The following ABCA13 variants were observed in gnomAD, a reference collection of about 807,000 sequenced individuals.
ABCA13 encodes the protein ATP binding cassette subfamily A member 13.
ABCA13 carries 476 observed loss-of-function variants against 478.7 expected under a neutral mutation model. That is an observed-to-expected ratio of 0.99 (90% CI 0.92 to 1.07). The LOEUF (loss-of-function observed/expected upper bound fraction) is 1.07, where lower values mean the gene tolerates loss of function less well. Ranked by LOEUF, ABCA13 falls within the 50% of genes least tolerant of loss-of-function variation. ABCA13 has a pLI of 0.00. For synonymous variants in ABCA13, 2,252 were observed against 2,158.9 expected (o/e 1.04, Z -1.20); for missense variants, 6,060 against 5,910.6 (o/e 1.03, Z -0.83).
At chr7:48,513,194 A>G (rs1831842765) in intron 51 of ABCA13, among the ~76,000 whole-genome samples, 1 of 152,204 alleles carries the variant, frequency 6.6e-6, no homozygotes, top group Admixed American at 6.5e-5. Context: ...CACGGAGCCC[A>G]AGGGCAAACT....
intron 60 of ABCA13, 64 bp downstream of exon 60, chr7:48,643,457 T>A (rs1333505664): frequency 7.2e-7 from 1 of 1,388,306 alleles, no homozygotes; most frequent in Non-Finnish European, 1.0e-6. Flanking sequence ...AATGTACCTG[T>A]CTTTTTTTGT....
chr7:48,376,318 C>T, intron 34 of ABCA13, 123 bp from the exon 35 acceptor site: 1 of 1,203,428 alleles, frequency 8.3e-7, no homozygotes, highest in Non-Finnish European at 1.1e-6. Flanking sequence ...TGATATTGAC[C>T]TTCTTTTTGT....
At chr7:48,642,990 G>T (rs1795206228) in intron 59 of ABCA13, among the ~76,000 whole-genome samples, 1 of 152,096 alleles carries the variant, frequency 6.6e-6, no homozygotes, top group Non-Finnish European at 1.5e-5. Context: ...CACTAGCTCA[G>T]GACTTTGCTT....
At chr7:48,380,468 C>A (rs1026981854) in intron 35 of ABCA13, among the ~76,000 whole-genome samples, 2 of 152,176 alleles carry the variant, frequency 1.3e-5, no homozygotes, top group Non-Finnish European at 2.9e-5. Context: ...CTAGTTTACA[C>A]AGTGGTTGAA....
intron 55 of ABCA13, among the ~76,000 whole-genome samples, chr7:48,561,449 G>A (rs565873230): frequency 1.4e-4 from 21 of 152,184 alleles, no homozygotes; most frequent in Non-Finnish European, 2.6e-4. Flanking sequence ...AATGTAAAGC[G>A]ATATCTCATT....
At chr7:48,318,322 C>T (rs1002968996) in intron 27 of ABCA13, among the ~76,000 whole-genome samples, 2 of 152,020 alleles carry the variant, frequency 1.3e-5, no homozygotes, top group African/African-American at 4.8e-5. Context: ...AACTTTAAAA[C>T]ATTTATATAA....
At chr7:48,566,275 T>C (rs1787054680) in intron 55 of ABCA13, among the ~76,000 whole-genome samples, 1 of 152,190 alleles carries the variant, frequency 6.6e-6, no homozygotes, top group Non-Finnish European at 1.5e-5. Context: ...CTAGTCAGCA[T>C]GCATCATGAT....
intron 1 of ABCA13, among the ~76,000 whole-genome samples, chr7:48,176,489 T>C (rs1794897231): frequency 6.6e-6 from 1 of 152,318 alleles, no homozygotes; most frequent in East Asian, 1.9e-4. Context: ...ATGTCTACCA[T>C]ACATAAAGCA....
chr7:48,412,635 C>A lies in ABCA13; in HGVS notation c.12459+52C>A, dbSNP rs73694621. 3.5e-3 allele frequency: 5,104 copies of A among 1,458,086 alleles called. 156 individuals are homozygous for A. The African/African-American group carries it at 0.065, about 19-fold the overall frequency. 90.3% of individuals were successfully genotyped at this position (1,458,086 alleles called of 1,614,324 possible). On this transcript the variant is annotated intron_variant, in intron 41 of 61. Coordinates refer to ENST00000435803, the MANE Select transcript of ABCA13 (RefSeq NM_152701.5). Reference sequence around the variant, plus strand: ...AATTATTTATGCCTTTTTGACCAGTCCACATTAAATGAAGAGATGTGGGTA... The same window carrying A: ...AATTATTTATGCCTTTTTGACCAGTACACATTAAATGAAGAGATGTGGGTA...
intron 55 of ABCA13, among the ~76,000 whole-genome samples, chr7:48,541,830 T>C (rs1357522006): frequency 6.6e-6 from 1 of 150,580 alleles, no homozygotes; most frequent in Non-Finnish European, 1.5e-5. Context: ...AGCAGGCACA[T>C]ATTTTTATAA....
Position 48,389,034 on chromosome 7 carries a change from TC to T in ABCA13, c.11474-5del, listed in dbSNP as rs763795864. 2 of 1,612,954 alleles carry T rather than the reference TC, an allele frequency of 1.2e-6. No individual in the cohort carries two copies. The highest frequency in any genetic ancestry group is 1.3e-5 in the African/African-American group (1 of 75,006). Reference sequence around the variant, plus strand: ...TTTTCACAATGAATTTTCATCTCTCTCACAGGGTCATCACTGCAAAACAGGG... The same window carrying T: ...TTTTCACAATGAATTTTCATCTCTCTACAGGGTCATCACTGCAAAACAGGG... On this transcript the variant is annotated splice_region_variant and splice_polypyrimidine_tract_variant and intron_variant, in intron 36 of 61. Transcript: ENST00000435803.
At chr7:48,350,601 G>A (rs770123492) in intron 29 of ABCA13, 42 bp from the exon 30 acceptor site, 3 of 1,522,708 alleles carry the variant, frequency 2.0e-6, no homozygotes, top group East Asian at 2.3e-5. Flanking sequence ...GCACTGGGGG[G>A]ATACAGAAGT....
chr7:48,375,783 C>T (rs928115606), intron 34 of ABCA13, among the ~76,000 whole-genome samples: 6 of 151,968 alleles, frequency 3.9e-5, no homozygotes, highest in African/African-American at 1.4e-4. Context: ...TGAATGATTT[C>T]TTCTAACTGA....
chr7:48,317,121 C>G, intron 26 of ABCA13, 36 bp from the exon 27 acceptor site: 1 of 1,589,472 alleles, frequency 6.3e-7, no homozygotes, highest in Non-Finnish European at 8.5e-7. Context: ...CATCGTGTAT[C>G]ATTAGCAACT....
intron 27 of ABCA13, among the ~76,000 whole-genome samples, chr7:48,334,621 C>T (rs1184385823): frequency 1.3e-5 from 2 of 152,178 alleles, no homozygotes; most frequent in African/African-American, 4.8e-5. Flanking sequence ...AGGCGTGAGC[C>T]AGCACGCCCG....
intron 43 of ABCA13, among the ~76,000 whole-genome samples, chr7:48,462,754 C>T (rs953904795): frequency 7.9e-5 from 12 of 152,164 alleles, no homozygotes; most frequent in South Asian, 2.1e-4. Context: ...GGTTATCTGC[C>T]GGCCTTGGCC....
chr7:48,187,199 A>G (rs952626002), intron 1 of ABCA13, among the ~76,000 whole-genome samples: 1 of 149,570 alleles, frequency 6.7e-6, no homozygotes, highest in African/African-American at 2.4e-5. Flanking sequence ...ATGCATTGGC[A>G]TCTAACATGA....
chr7:48,488,951 G>T (rs1489536574), intron 47 of ABCA13, among the ~76,000 whole-genome samples: 2 of 152,002 alleles, frequency 1.3e-5, no homozygotes, highest in South Asian at 2.1e-4. Context: ...GATAGGGTTT[G>T]GTTCCTTTAT....
At chr7:48,433,616 C>G (rs566439137) in intron 42 of ABCA13, among the ~76,000 whole-genome samples, 1 of 151,890 alleles carries the variant, frequency 6.6e-6, no homozygotes, top group Non-Finnish European at 1.5e-5. Flanking sequence ...CCATCATCAT[C>G]ATCCATTTCC....
Sources: allele counts gnomAD v4.1 joint callset (sites outside exome capture counted in the v4.1 genomes callset), GRCh38; gene constraint gnomAD v4.1.1; transcripts MANE v1.5; gene names NCBI Gene and HGNC (gene_info 2026-07-23, HGNC 2026-07-21).